GTF2IRD1: variants seen among roughly 807,000 people sequenced by gnomAD.
GTF2IRD1 encodes the protein GTF2I repeat domain containing 1.
In GTF2IRD1, 26 loss-of-function variants were observed where a neutral mutation model predicts 113.2. The observed-to-expected ratio is 0.23, with a 90% confidence interval of 0.17 to 0.32. GTF2IRD1 has a LOEUF of 0.32. GTF2IRD1 is among the 10% of genes least tolerant of loss of function. The pLI, the probability that GTF2IRD1 is intolerant of heterozygous loss-of-function variation, is 1.00. For synonymous variants in GTF2IRD1, 484 were observed against 529.1 expected, an observed-to-expected ratio of 0.91 and a Z score of 1.17; for missense variants, 864 against 1,280.8, an observed-to-expected ratio of 0.67 and a Z score of 4.97.
At chr7:74,524,015 G>T (rs782042483) in intron 7 of GTF2IRD1, 56 bp from the exon 8 acceptor site, 2 of 1,242,966 alleles carry the variant, frequency 1.6e-6, no homozygotes, top group South Asian at 1.2e-5. Context: ...GGCCGGTGGA[G>T]GGCGTGTGAC....
intron 1 of GTF2IRD1, among the ~76,000 whole-genome samples, chr7:74,501,697 A>G (rs983072831): frequency 6.6e-6 from 1 of 152,056 alleles, no homozygotes; most frequent in African/African-American, 2.4e-5. Flanking sequence ...TGTCACCCAC[A>G]CTGGAGTGCA....
At chr7:74,513,384 C>G (rs1217090696) in intron 3 of GTF2IRD1, among the ~76,000 whole-genome samples, 1 of 152,156 alleles carries the variant, frequency 6.6e-6, no homozygotes, top group Non-Finnish European at 1.5e-5. Context: ...TGGCTCACTG[C>G]AACCTCTGCC....
intron 7 of GTF2IRD1, 84 bp downstream of exon 7, chr7:74,521,381 C>T: frequency 1.2e-6 from 1 of 838,862 alleles, no homozygotes; most frequent in South Asian, 1.4e-5. Flanking sequence ...AGTGTATCTC[C>T]TGGGTCTTTG....
rs182727030 is a variant in GTF2IRD1 at position 74,543,519 on chromosome 7, G to T, written c.1619-1236G>T. 5.9e-5 allele frequency among the ~76,000 whole-genome samples: 9 copies of T among 152,220 alleles called. No individual in the cohort carries two copies. The East Asian group carries it at 1.7e-3, about 29-fold the overall frequency. ...AAAAAAGAAAATTCTGAGATGTCCA[G>T]GACCACCATGGATTAGAGGATTTTG... On this transcript the variant is annotated intron_variant, in intron 14 of 26. Coordinates refer to ENST00000424337, the MANE Select transcript of GTF2IRD1 (RefSeq NM_005685.4).
intron 1 of GTF2IRD1, among the ~76,000 whole-genome samples, chr7:74,498,543 A>G (rs1795851200): frequency 6.6e-6 from 1 of 152,010 alleles, no homozygotes; most frequent in Non-Finnish European, 1.5e-5. Flanking sequence ...GAGAACTCCT[A>G]TTCACTCTTG....
intron 11 of GTF2IRD1, among the ~76,000 whole-genome samples, chr7:74,537,642 A>C (rs1317214487): frequency 2.0e-5 from 3 of 152,046 alleles, no homozygotes; most frequent in East Asian, 1.9e-4. Flanking sequence ...TGGGCCGTTT[A>C]TCCCAGAATC....
At chr7:74,545,657 A>G (rs1739853431) in intron 15 of GTF2IRD1, 87 bp from the exon 16 acceptor site, 4 of 972,586 alleles carry the variant, frequency 4.1e-6, no homozygotes, top group African/African-American at 1.6e-5. Context: ...ATCCCACCAC[A>G]GGGCCAATGT....
At chr7:74,556,911 G>A (rs766637592) in intron 19 of GTF2IRD1, among the ~76,000 whole-genome samples, 3 of 151,712 alleles carry the variant, frequency 2.0e-5, no homozygotes, top group Admixed American at 6.6e-5. Context: ...GGCATGAGCC[G>A]CCGCGCCCGG....
chr7:74,538,149 A>C lies in GTF2IRD1; in HGVS notation c.1423A>C (p.Ser475Arg), dbSNP rs1554350663. 6.2e-7 allele frequency: 1 copy of C among 1,612,402 alleles called. No homozygotes were observed. The highest frequency in any genetic ancestry group is 1.1e-5 in the South Asian group (1 of 91,002). The change falls in exon 12 of 27, where the codon AGC becomes CGC. Residue 475 changes from serine (S) to arginine (R), a missense_variant. Physicochemically the swap from Ser to Arg is moderately radical, Grantham distance 110. Around this residue, in one of 7 missense-constraint regions of GTF2IRD1, gnomAD observed 218 missense variants for 352.6 expected, o/e 0.62. Coordinates refer to ENST00000424337, the MANE Select transcript of GTF2IRD1 (RefSeq NM_005685.4). ...TTCCCTTCACAGGTCAGACAAGGGCAGCATGTCTGAAGACTGTGGGCCAGG... is the reference window on the plus strand; with the variant it reads ...TTCCCTTCACAGGTCAGACAAGGGCCGCATGTCTGAAGACTGTGGGCCAGG... ...LAGNARSDKG[S>R]MSEDCGPGTS...
intron 22 of GTF2IRD1, among the ~76,000 whole-genome samples, chr7:74,573,442 C>T (rs1800813880): frequency 6.6e-6 from 1 of 151,768 alleles, no homozygotes; most frequent in Non-Finnish European, 1.5e-5. Flanking sequence ...TAGACAGGGG[C>T]TTTCCGGACC....
Position 74,454,020 on chromosome 7 carries a change from C to G in GTF2IRD1, c.-163C>G, listed in dbSNP as rs1322360362. 51 of 149,402 alleles carry G rather than the reference C, an allele frequency of 3.4e-4. No individual in the cohort carries two copies. The highest frequency in any genetic ancestry group is 1.2e-3 in the African/African-American group (50 of 40,944). 9.3% of individuals were successfully genotyped at this position (149,402 alleles called of 1,614,324 possible). ...CCCCCCGCGCCCCCTCCCCGCGCCTCCCTCCCCGCCCTCGCCGCGCCGCCG... is the reference window on the plus strand; with the variant it reads ...CCCCCCGCGCCCCCTCCCCGCGCCTGCCTCCCCGCCCTCGCCGCGCCGCCG... On this transcript the variant is annotated 5_prime_UTR_variant, in exon 1 of 27. Coordinates refer to ENST00000424337, the MANE Select transcript of GTF2IRD1 (RefSeq NM_005685.4).
chr7:74,591,441 C>T (rs782158771), intron 24 of GTF2IRD1, among the ~76,000 whole-genome samples: 5 of 143,908 alleles, frequency 3.5e-5, no homozygotes, highest in East Asian at 4.1e-4. Context: ...TGCAGTGGCA[C>T]GATCTCAGCT....
chr7:74,520,311 C>CAAAAGGA (rs1797208206), intron 6 of GTF2IRD1, among the ~76,000 whole-genome samples: 1 of 151,802 alleles, frequency 6.6e-6, no homozygotes, highest in African/African-American at 2.4e-5. Context: ...GTGAACAGGA[C>CAAAAGGA]AAAAGGAACA....
chr7:74,574,150 ATTTTTT>A (rs71094796), intron 22 of GTF2IRD1, among the ~76,000 whole-genome samples: 19 of 104,818 alleles, frequency 1.8e-4, no homozygotes, highest in South Asian at 3.1e-4. Flanking sequence ...CACCAAGCTA[ATTTTTT>A]TTTTTTTTTT....
chr7:74,534,036 A>T (rs587757215), intron 9 of GTF2IRD1, among the ~76,000 whole-genome samples: 4 of 152,128 alleles, frequency 2.6e-5, no homozygotes, highest in African/African-American at 7.2e-5. Context: ...CTCAAAAAAA[A>T]AAAAAAGGAT....
chr7:74,602,049 C>T (rs1279977414), intron 26 of GTF2IRD1: 1 of 197,226 alleles, frequency 5.1e-6, no homozygotes, highest in East Asian at 1.3e-4. Flanking sequence ...CAAGACCAGC[C>T]TGGCCAACAT....
intron 22 of GTF2IRD1, among the ~76,000 whole-genome samples, chr7:74,562,027 A>T (rs1477800307): frequency 5.9e-5 from 9 of 152,136 alleles, no homozygotes; most frequent in Admixed American, 5.2e-4. Context: ...AGGTATCCAC[A>T]CTTACTCATG....
intron 9 of GTF2IRD1, among the ~76,000 whole-genome samples, 189 bp downstream of exon 9, chr7:74,530,106 A>T (rs1797871524): frequency 6.6e-6 from 1 of 152,038 alleles, no homozygotes; most frequent in Non-Finnish European, 1.5e-5. Context: ...GCTACTTGGG[A>T]CGCTGAGGCA....
At chr7:74,524,021 G>A (rs1584597268) in intron 7 of GTF2IRD1, 50 bp from the exon 8 acceptor site, 3 of 1,339,050 alleles carry the variant, frequency 2.2e-6, no homozygotes, top group Non-Finnish European at 3.2e-6. Flanking sequence ...TGGAGGGCGT[G>A]TGACCGTCCC....
Sources: allele counts gnomAD v4.1 joint callset (sites outside exome capture counted in the v4.1 genomes callset), GRCh38; gene constraint gnomAD v4.1.1; regional missense constraint gnomAD v4.1.1; transcripts MANE v1.5; gene names NCBI Gene and HGNC (gene_info 2026-07-23, HGNC 2026-07-21).